MYO16: variants seen among roughly 807,000 people sequenced by gnomAD.
The protein encoded by MYO16 is unconventional myosin-XVI.
A neutral mutation model predicts 205.3 loss-of-function variants in MYO16; 94 were observed. The ratio of observed to expected loss-of-function variants is 0.46; its 90% CI spans 0.39 to 0.54. The LOEUF (loss-of-function observed/expected upper bound fraction) is 0.54. MYO16 is among the 20% of genes least tolerant of loss of function. The pLI is 0.00. For synonymous variants in MYO16, 988 were observed against 954.0 expected (o/e 1.04, Z -0.66); for missense variants, 2,315 against 2,387.5 (o/e 0.97, Z 0.63).
intron 34 of MYO16, among the ~76,000 whole-genome samples, chr13:109,188,201 A>G (rs548861054): frequency 6.6e-6 from 1 of 152,204 alleles, no homozygotes; most frequent in Admixed American, 6.5e-5. Flanking sequence ...TTCATCCTTT[A>G]CTTTTTAAAA....
chr13:108,743,440 T>A (rs1884969663), intron 4 of MYO16, among the ~76,000 whole-genome samples: 1 of 152,240 alleles, frequency 6.6e-6, no homozygotes, highest in Non-Finnish European at 1.5e-5. Flanking sequence ...GATTACTGAA[T>A]TCTTACCATT....
At chr13:108,661,354 T>C (rs2139424081) in intron 1 of MYO16, among the ~76,000 whole-genome samples, 1 of 152,262 alleles carries the variant, frequency 6.6e-6, no homozygotes, top group South Asian at 2.1e-4. Context: ...GAAATTTTCA[T>C]CAATTATTCC....
At chr13:109,136,339 C>T (rs113412911) in intron 31 of MYO16, among the ~76,000 whole-genome samples, 8,432 of 152,148 alleles carry the variant, frequency 0.055, 304 homozygotes, top group Non-Finnish European at 0.068. Flanking sequence ...GTGATCTGCC[C>T]GCCTCGGCCT....
chr13:108,844,398 A>G lies in MYO16; in HGVS notation c.1153A>G (p.Met385Val). The change falls in exon 10 of 35, where the codon ATG (methionine) becomes GTG (valine). Residue 385 changes from methionine to valine, a missense_variant. Coordinates refer to ENST00000457511, the MANE Select transcript of MYO16 (RefSeq NM_001198950.3). ...AGACAGTTTGTTGGAAAAAGACATT[A>G]TGTTCAAAGATGCAACAAAAGGTCT... ...KQDSLLEKDIMFKDATKGLCK... is the reference protein window; with the variant it reads ...KQDSLLEKDIVFKDATKGLCK... The G allele has an allele frequency of 6.2e-7, 1 of 1,613,610 alleles. No individual in the cohort carries two copies. The highest frequency in any genetic ancestry group is 8.5e-7 in the Non-Finnish European group (1 of 1,179,604).
chr13:108,789,295 C>T lies in MYO16; in HGVS notation c.616+3552C>T, dbSNP rs116982779. Among the ~76,000 whole-genome samples, 479 of 152,176 alleles carry T rather than the reference C, an allele frequency of 3.1e-3. 2 individuals carry two copies. The highest frequency in any genetic ancestry group is 0.017 in the Middle Eastern group (5 of 294). On this transcript the variant is annotated intron_variant, in intron 5 of 34. Transcript: ENST00000457511. Reference sequence around the variant, plus strand: ...TTATTTGATATCCTTCTAATATGTCCACCCAGATCACAAATCATGCTGTCA... The same window carrying T: ...TTATTTGATATCCTTCTAATATGTCTACCCAGATCACAAATCATGCTGTCA...
At position 108,685,546 on chromosome 13, in the gene MYO16, G is replaced by A. The variant is rs143201001; in HGVS notation, c.292+19397G>A. On this transcript the variant is annotated intron_variant, in intron 2 of 34. Coordinates refer to ENST00000457511, the MANE Select transcript of MYO16 (RefSeq NM_001198950.3). Reference sequence around the variant, plus strand: ...GTTTGTGTTGAGTGTTTCAGGTGTAGTAGAAGGAAAACCAGTTGTTTGTTC... The same window carrying A: ...GTTTGTGTTGAGTGTTTCAGGTGTAATAGAAGGAAAACCAGTTGTTTGTTC... 3.3e-3 allele frequency among the ~76,000 whole-genome samples: 503 copies of A among 152,336 alleles called. 3 individuals are homozygous for A. The highest frequency in any genetic ancestry group is 0.011 in the African/African-American group (477 of 41,580).
At chr13:108,913,297 A>T (rs375968653) in intron 16 of MYO16, among the ~76,000 whole-genome samples, 101 of 152,312 alleles carry the variant, frequency 6.6e-4, no homozygotes, top group African/African-American at 2.3e-3. Flanking sequence ...TGACAATTTC[A>T]CAGGAAAACT....
Position 108,806,668 on chromosome 13 carries a change from C to T in MYO16, c.742-11C>T. ...TAAAAAAATGAATAATAAGATGTCT[C>T]TTCGCTGCAGTTACACATGGCGTGT... On this transcript the variant is annotated splice_polypyrimidine_tract_variant and intron_variant, in intron 6 of 34. Coordinates refer to ENST00000457511, the MANE Select transcript of MYO16 (RefSeq NM_001198950.3). 1.2e-6 allele frequency: 2 copies of T among 1,611,076 alleles called. No individual in the cohort carries two copies. Among genetic ancestry groups the T allele is most frequent in the South Asian group, 2.2e-5 (2 of 90,886 alleles).
intron 27 of MYO16, among the ~76,000 whole-genome samples, chr13:109,062,746 G>A (rs1455770003): frequency 1.3e-5 from 2 of 152,048 alleles, no homozygotes; most frequent in Non-Finnish European, 2.9e-5. Flanking sequence ...AGTATTTCTT[G>A]AGTATTCAAG....
At position 108,882,624 on chromosome 13, in the gene MYO16, T is replaced by G. The variant is rs1455346255; in HGVS notation, c.1426-435T>G. ...ATTAATTTTTGTTTTTCTGAGAAAT[T>G]TGTAAACTTATATGCATTTCAGCTG... On this transcript the variant is annotated intron_variant, in intron 12 of 34. Transcript: ENST00000457511. Among the ~76,000 whole-genome samples, 8 of 152,334 alleles carry G rather than the reference T, an allele frequency of 5.3e-5. No homozygotes were observed. The East Asian group carries it at 9.6e-4, about 18-fold the overall frequency.
At chr13:108,517,744 A>G in the MYO16 span, among the ~76,000 whole-genome samples, 1 of 152,084 alleles carries the variant, frequency 6.6e-6, no homozygotes, top group Admixed American at 6.6e-5. Flanking sequence ...GTTTGTTATT[A>G]TTGTTTGCTG....
intron 27 of MYO16, among the ~76,000 whole-genome samples, chr13:109,091,357 G>A (rs1203515488): frequency 1.3e-5 from 2 of 152,188 alleles, no homozygotes; most frequent in African/African-American, 4.8e-5. Context: ...TTCTACAAAT[G>A]TTGCTGCCTG....
intron 34 of MYO16, among the ~76,000 whole-genome samples, chr13:109,189,970 T>G (rs1349559889): frequency 5.9e-5 from 9 of 152,152 alleles, no homozygotes; most frequent in Admixed American, 5.9e-4. Context: ...GTTTTGTATT[T>G]TATACAAAGT....
chr13:108,592,700 G>C (rs1878436023), upstream of MYO16, among the ~76,000 whole-genome samples: 2 of 146,248 alleles, frequency 1.4e-5, 1 homozygote, highest in East Asian at 4.1e-4. Flanking sequence ...TGGGGTTTGT[G>C]GGGTACGTGT....
At chr13:108,578,493 T>G in the MYO16 span, among the ~76,000 whole-genome samples, 5 of 152,198 alleles carry the variant, frequency 3.3e-5, no homozygotes, top group Non-Finnish European at 7.3e-5. Context: ...AGAAAAGGCA[T>G]GTTATAAACA....
At chr13:108,741,525 G>GT (rs996436298) in intron 4 of MYO16, among the ~76,000 whole-genome samples, 8 of 152,084 alleles carry the variant, frequency 5.3e-5, no homozygotes, top group Non-Finnish European at 1.0e-4. Flanking sequence ...ACAACAGGCA[G>GT]TTTTTTAACC....
chr13:108,957,220 C>G (rs549197868), intron 16 of MYO16, among the ~76,000 whole-genome samples: 4 of 151,948 alleles, frequency 2.6e-5, no homozygotes, highest in African/African-American at 9.6e-5. Flanking sequence ...CCCGTCTCTA[C>G]TAAAAATACA....
intron 3 of MYO16, among the ~76,000 whole-genome samples, chr13:108,716,857 A>G (rs1423254014): frequency 6.6e-6 from 1 of 152,250 alleles, no homozygotes; most frequent in Non-Finnish European, 1.5e-5. Flanking sequence ...GCCATATAGC[A>G]TCTTTAGTTT....
chr13:109,159,305 G>A (rs1181325013), intron 32 of MYO16, among the ~76,000 whole-genome samples: 5 of 152,200 alleles, frequency 3.3e-5, no homozygotes, highest in South Asian at 2.1e-4. Flanking sequence ...AAGTGCTTCC[G>A]TAAGTTGTCA....
Sources: allele counts gnomAD v4.1 joint callset (sites outside exome capture counted in the v4.1 genomes callset), GRCh38; gene constraint gnomAD v4.1.1; transcripts MANE v1.5; gene names NCBI Gene and HGNC (gene_info 2026-07-23, HGNC 2026-07-21).